Variants in SLC35F4 observed in about 807,000 individuals in gnomAD.
SLC35F4 encodes the protein chromosome 14 open reading frame 36.
SLC35F4 carries 24 observed loss-of-function variants against 44.2 expected under a neutral mutation model. The observed-to-expected ratio is 0.54, with a 90% CI of 0.39 to 0.76. The LOEUF (loss-of-function observed/expected upper bound fraction) is 0.76, where lower values mean the gene tolerates loss of function less well. SLC35F4 is among the 30% of genes least tolerant of loss of function. The probability of loss-of-function intolerance (pLI) is 0.00; values close to 1 mark genes in which losing one functional copy is unlikely to be tolerated. For synonymous variants in SLC35F4, 238 were observed against 223.6 expected (o/e 1.06, Z -0.57); for missense variants, 562 against 586.1 (o/e 0.96, Z 0.42).
chr14:57,728,427 TTTTTTC>T (rs1285309875), intron 1 of SLC35F4, among the ~76,000 whole-genome samples: 4,972 of 126,176 alleles, frequency 0.039, 523 homozygotes, highest in South Asian at 0.059. Context: ...ATTTTTCTTC[TTTTTTC>T]TTTCTTTCTT....
intron 1 of SLC35F4, among the ~76,000 whole-genome samples, chr14:57,917,565 T>A: frequency 6.6e-6 from 1 of 152,190 alleles, no homozygotes; most frequent in East Asian, 1.9e-4. Flanking sequence ...GCAGACATGA[T>A]GAACTGAGAA....
intron 1 of SLC35F4, among the ~76,000 whole-genome samples, chr14:57,779,620 G>C (rs2077570092): frequency 1.3e-5 from 2 of 152,170 alleles, no homozygotes; most frequent in South Asian, 4.1e-4. Context: ...ATCTGGCAGA[G>C]ATACAACAAA....
downstream of SLC35F4, among the ~76,000 whole-genome samples, chr14:57,974,364 G>A (rs1881146905): frequency 6.6e-6 from 1 of 152,256 alleles, no homozygotes; most frequent in East Asian, 1.9e-4. Flanking sequence ...AAGTCTCAGA[G>A]CAACACATTG....
chr14:57,860,682 A>G (rs943372056), intron 1 of SLC35F4, among the ~76,000 whole-genome samples: 1 of 152,238 alleles, frequency 6.6e-6, no homozygotes, highest in Admixed American at 6.5e-5. Context: ...ATGGAATACA[A>G]TAAAACATGA....
intron 1 of SLC35F4, among the ~76,000 whole-genome samples, chr14:57,634,255 A>G (rs559079376): frequency 6.6e-6 from 1 of 152,260 alleles, no homozygotes; most frequent in South Asian, 2.1e-4. Flanking sequence ...AAGTTGTGAT[A>G]AGTGCGGTTG....
At chr14:57,870,170 C>T (rs960851336), upstream of SLC35F4, among the ~76,000 whole-genome samples, 1 of 143,996 alleles carries the variant, frequency 6.9e-6, no homozygotes, top group Non-Finnish European at 1.5e-5. Context: ...GTGTCTCTCC[C>T]TGTGTCTCCC....
At chr14:57,760,637 G>A (rs958591504) in intron 1 of SLC35F4, among the ~76,000 whole-genome samples, 2 of 152,022 alleles carry the variant, frequency 1.3e-5, no homozygotes, top group African/African-American at 2.4e-5. Context: ...CCTTATTTGG[G>A]TCTTGCTTTT....
chr14:57,944,766 GAAAAGAAAAGAA>G (rs1205693575), intron 1 of SLC35F4, among the ~76,000 whole-genome samples: 15 of 149,034 alleles, frequency 1.0e-4, no homozygotes, highest in African/African-American at 2.2e-4. Context: ...AAGGAAGAAA[GAAAAGAAAAGAA>G]AAAAGAAAAG....
intron 1 of SLC35F4, among the ~76,000 whole-genome samples, chr14:57,637,792 T>C (rs1166196649): frequency 6.6e-6 from 1 of 152,034 alleles, no homozygotes; most frequent in East Asian, 1.9e-4. Flanking sequence ...AATAAAATCC[T>C]AATCCCCTCA....
chr14:57,622,848 T>TA (rs1427603417), intron 1 of SLC35F4, among the ~76,000 whole-genome samples: 2 of 151,140 alleles, frequency 1.3e-5, no homozygotes, highest in African/African-American at 4.8e-5. Context: ...AATAAAAAAA[T>TA]TAAAAAAACC....
chr14:57,603,350 A>G (rs959820429), intron 1 of SLC35F4, among the ~76,000 whole-genome samples: 16 of 152,220 alleles, frequency 1.1e-4, no homozygotes, highest in African/African-American at 3.6e-4. Flanking sequence ...TAACATGGCT[A>G]TCTTAGACTT....
intron 1 of SLC35F4, among the ~76,000 whole-genome samples, chr14:57,786,900 C>T (rs1000003450): frequency 2.0e-5 from 3 of 152,058 alleles, no homozygotes; most frequent in Admixed American, 1.3e-4. Flanking sequence ...AGCAATGGAC[C>T]CAAACCAAGA....
chr14:57,616,202 C>T (rs1462755376), intron 1 of SLC35F4, among the ~76,000 whole-genome samples: 3 of 152,236 alleles, frequency 2.0e-5, no homozygotes, highest in African/African-American at 4.8e-5. Flanking sequence ...AAACTTCATA[C>T]CTATTCTCTT....
intron 1 of SLC35F4, among the ~76,000 whole-genome samples, chr14:57,681,006 T>C (rs960836447): frequency 2.6e-5 from 4 of 151,866 alleles, no homozygotes; most frequent in African/African-American, 9.7e-5. Flanking sequence ...CTGCGAAGAA[T>C]TGGAAAAAAA....
Position 57,947,470 on chromosome 14 carries a change from C to G in SLC35F4, n.282+34443G>C, listed in dbSNP as rs117077059. On this transcript the variant is annotated intron_variant and non_coding_transcript_variant, in intron 1 of 1. Transcript: ENST00000556568. ...TCTTCTAGGTAAACAACCATATCAT[C>G]AGTGAACAGCAACAGTTTGACTTCC... 4.7e-3 allele frequency among the ~76,000 whole-genome samples: 717 copies of G among 152,258 alleles called. 9 individuals carry two copies. The highest frequency in any genetic ancestry group is 7.1e-3 in the Non-Finnish European group (483 of 68,016).
At chr14:57,734,004 G>C (rs79420916) in intron 1 of SLC35F4, among the ~76,000 whole-genome samples, 6,201 of 152,206 alleles carry the variant, frequency 0.041, 154 homozygotes, top group South Asian at 0.081. Flanking sequence ...ATTCAGCCAT[G>C]TCATCCCTCA....
chr14:57,890,544 C>A (rs535339699), intron 1 of SLC35F4, among the ~76,000 whole-genome samples: 2 of 136,432 alleles, frequency 1.5e-5, no homozygotes, highest in Non-Finnish European at 3.1e-5. Flanking sequence ...TGGATGTGAG[C>A]CCCTCTCCAC....
upstream of SLC35F4, among the ~76,000 whole-genome samples, chr14:57,870,156 G>GTGTGTC (rs1211320834): frequency 1.5e-3 from 233 of 150,956 alleles, 1 homozygote; most frequent in African/African-American, 5.4e-3. Flanking sequence ...GTGTGTGTGT[G>GTGTGTC]TCTGTGTCTC....
chr14:57,811,377 G>T (rs2140886112), intron 1 of SLC35F4, among the ~76,000 whole-genome samples: 1 of 152,202 alleles, frequency 6.6e-6, no homozygotes, highest in Non-Finnish European at 1.5e-5. Context: ...TATGGCAGAG[G>T]TATTATGAGA....
Sources: gnomAD v4.1 joint callset for allele counts (sites outside exome capture counted in the v4.1 genomes callset) on GRCh38, gnomAD v4.1.1 for gene constraint, MANE v1.5 for transcripts, NCBI Gene and HGNC (gene_info 2026-07-23, HGNC 2026-07-21) for gene names.